The following HPGDS variants were observed in gnomAD, a reference collection of about 807,000 sequenced individuals.
The protein encoded by HPGDS is GST class-sigma.
Under a neutral mutation model 23.1 loss-of-function variants are expected in HPGDS, and 26 were observed. That is an observed-to-expected ratio of 1.13 (90% CI 0.83 to 1.56). The LOEUF is 1.56. HPGDS is among the 40% of genes most tolerant of loss of function. The pLI is 0.00. For missense variants in HPGDS, 268 were observed against 236.4 expected (o/e 1.13, Z -0.88); for synonymous variants, 95 against 77.9 (o/e 1.22, Z -1.16).
intron 3 of HPGDS, among the ~76,000 whole-genome samples, chr4:94,313,673 G>A (rs1423609529): frequency 6.6e-6 from 1 of 152,108 alleles, no homozygotes; most frequent in East Asian, 1.9e-4. Flanking sequence ...TCCTGAATTT[G>A]AATGTTGGCC....
chr4:94,301,145 G>C (rs1756032907), intron 5 of HPGDS, among the ~76,000 whole-genome samples: 1 of 152,192 alleles, frequency 6.6e-6, no homozygotes, highest in Non-Finnish European at 1.5e-5. Flanking sequence ...GGCAAATGTA[G>C]TTCTGTATCA....
At chr4:94,324,902 A>G (rs1011408325) in intron 2 of HPGDS, among the ~76,000 whole-genome samples, 2 of 152,026 alleles carry the variant, frequency 1.3e-5, no homozygotes, top group Admixed American at 1.3e-4. Flanking sequence ...TGTTTTATCT[A>G]CCTTTGGTCT....
chr4:94,316,106 T>C (rs1324875110), intron 3 of HPGDS, among the ~76,000 whole-genome samples: 1 of 152,182 alleles, frequency 6.6e-6, no homozygotes, highest in Non-Finnish European at 1.5e-5. Flanking sequence ...TATAGTAGTA[T>C]TGAATAGAAG....
chr4:94,340,315 T>C (rs867536423), intron 1 of HPGDS, among the ~76,000 whole-genome samples: 978 of 9,918 alleles, frequency 0.099, 16 homozygotes, highest in African/African-American at 0.18. Context: ...CTTTCTCTTT[T>C]TTTTTTTTTT....
chr4:94,338,531 T>A (rs1721069265), intron 1 of HPGDS, among the ~76,000 whole-genome samples: 1 of 152,116 alleles, frequency 6.6e-6, no homozygotes, highest in Non-Finnish European at 1.5e-5. Context: ...TCAAAATTCT[T>A]AGCAAAATGA....
intron 3 of HPGDS, among the ~76,000 whole-genome samples, chr4:94,313,781 G>A: frequency 1.3e-5 from 2 of 152,178 alleles, no homozygotes; most frequent in Admixed American, 6.5e-5. Flanking sequence ...ACACCAATCA[G>A]ACGTAGATTT....
intron 2 of HPGDS, among the ~76,000 whole-genome samples, chr4:94,323,699 G>C (rs1441029677): frequency 1.3e-5 from 2 of 151,988 alleles, no homozygotes; most frequent in African/African-American, 4.8e-5. Flanking sequence ...CACACTGATG[G>C]GTCTTGAGTC....
At position 94,299,247 on chromosome 4, in the gene HPGDS, TTACA is replaced by T. The variant is rs1755983502; in HGVS notation, c.*229_*232del. The T allele has an allele frequency of 2.3e-6, 1 of 433,322 alleles. No homozygotes were observed. 26.8% of individuals were successfully genotyped at this position (433,322 alleles called of 1,614,324 possible). ...CTGTGCAAAGCAAGGTCTGCCTGTATTACATACTATTTTTCTGTAATTGTAAATG... is the reference window on the plus strand; with the variant it reads ...CTGTGCAAAGCAAGGTCTGCCTGTATTACTATTTTTCTGTAATTGTAAATG... On this transcript the variant is annotated 3_prime_UTR_variant, in exon 6 of 6. Transcript: ENST00000295256.
chr4:94,320,851 G>T (rs530167797), intron 2 of HPGDS, among the ~76,000 whole-genome samples: 1 of 152,212 alleles, frequency 6.6e-6, no homozygotes, highest in Non-Finnish European at 1.5e-5. Context: ...CCTATGTCCT[G>T]AATGGTATTG....
At chr4:94,315,031 G>A (rs964400362) in intron 3 of HPGDS, among the ~76,000 whole-genome samples, 3 of 152,138 alleles carry the variant, frequency 2.0e-5, no homozygotes, top group Non-Finnish European at 2.9e-5. Context: ...TCCAGGTGCC[G>A]TCTGTCACCC....
chr4:94,317,879 T>A lies in HPGDS; in HGVS notation c.220A>T (p.Asn74Tyr), dbSNP rs1390152869. 1 of 1,596,620 alleles carries A rather than the reference T, an allele frequency of 6.3e-7. No homozygotes were observed. Among genetic ancestry groups the A allele is most frequent in the East Asian group, 2.2e-5 (1 of 44,684 alleles). ...AGCACAATAAACATGTTACCTGTGT[T>A]TTTGGTCAAATATCTTGCTATTGCT... Reference protein sequence around the residue: ...SLAIARYLTKNTDLAGNTEME... With the variant: ...SLAIARYLTKYTDLAGNTEME... Residue 74 changes from asparagine to tyrosine, a missense_variant, in exon 3 of 6, where the codon AAC (asparagine) becomes TAC (tyrosine). Physicochemically the swap from Asn to Tyr is moderately radical, Grantham distance 143. Coordinates refer to ENST00000295256, the MANE Select transcript of HPGDS (RefSeq NM_014485.3).
chr4:94,302,856 A>G (rs17021459), intron 4 of HPGDS, among the ~76,000 whole-genome samples: 4,889 of 152,174 alleles, frequency 0.032, 375 homozygotes, highest in East Asian at 0.21. Flanking sequence ...TTTAAAAATT[A>G]ACATCCTTAG....
intron 2 of HPGDS, 29 bp downstream of exon 2, chr4:94,334,468 T>C: frequency 7.1e-6 from 11 of 1,544,664 alleles, no homozygotes; most frequent in Non-Finnish European, 9.6e-6. Flanking sequence ...AAGCATATTT[T>C]TCCTACATTT....
At chr4:94,311,855 G>C (rs1756280001) in intron 3 of HPGDS, among the ~76,000 whole-genome samples, 1 of 151,236 alleles carries the variant, frequency 6.6e-6, no homozygotes, top group East Asian at 1.9e-4. Flanking sequence ...CTTCTTCCTG[G>C]TTTAGCCTTG....
At chr4:94,311,789 G>T (rs1443596727) in intron 3 of HPGDS, among the ~76,000 whole-genome samples, 1 of 151,252 alleles carries the variant, frequency 6.6e-6, no homozygotes, top group African/African-American at 2.5e-5. Flanking sequence ...TGGTTGGTAA[G>T]CTATAAATTA....
intron 2 of HPGDS, among the ~76,000 whole-genome samples, chr4:94,318,620 G>A (rs894686176): frequency 4.6e-5 from 7 of 152,006 alleles, no homozygotes; most frequent in Non-Finnish European, 1.0e-4. Context: ...TTTAAAAATT[G>A]ATTTAAAAAA....
intron 3 of HPGDS, among the ~76,000 whole-genome samples, chr4:94,309,688 C>A (rs1268272199): frequency 6.6e-6 from 1 of 151,760 alleles, no homozygotes; most frequent in East Asian, 1.9e-4. Context: ...AGTTCTAGAT[C>A]CCTGAGGAAT....
chr4:94,330,244 T>C (rs1756712189), intron 2 of HPGDS, among the ~76,000 whole-genome samples: 1 of 152,114 alleles, frequency 6.6e-6, no homozygotes, highest in Non-Finnish European at 1.5e-5. Context: ...AATCAAGAAG[T>C]AGAGTCAGGG....
chr4:94,325,670 T>A (rs1003827076), intron 2 of HPGDS, among the ~76,000 whole-genome samples: 3 of 152,184 alleles, frequency 2.0e-5, no homozygotes, highest in Non-Finnish European at 4.4e-5. Context: ...GTGTCCCAAT[T>A]TTCCAGATAC....
Sources: allele counts gnomAD v4.1 joint callset (sites outside exome capture counted in the v4.1 genomes callset), GRCh38; gene constraint gnomAD v4.1.1; transcripts MANE v1.5; gene names NCBI Gene and HGNC (gene_info 2026-07-23, HGNC 2026-07-21).